The following DCC variants were observed in gnomAD, a reference collection of about 807,000 sequenced individuals.
DCC encodes the protein netrin receptor DCC.
In DCC, 58 loss-of-function variants were observed where a neutral mutation model predicts 172.5. The ratio of observed to expected loss-of-function variants is 0.34; its 90% confidence interval spans 0.27 to 0.42. The LOEUF (loss-of-function observed/expected upper bound fraction) is 0.42. Among genes scored for constraint, DCC ranks in the 10% least tolerant of loss-of-function variants. DCC has a pLI of 1.00. For missense variants in DCC, 1,740 were observed against 1,791.0 expected, an observed-to-expected ratio of 0.97 and a Z score of 0.51; for synonymous variants, 709 against 644.5, an observed-to-expected ratio of 1.10 and a Z score of -1.52.
chr18:53,526,825 C>G, intron 28 of DCC, 66 bp downstream of exon 28: 1 of 1,568,346 alleles, frequency 6.4e-7, no homozygotes, highest in Non-Finnish European at 8.8e-7. Flanking sequence ...GTAATAGCAT[C>G]TAAACCAATG....
At chr18:52,814,502 A>G (rs1240736518) in intron 2 of DCC, among the ~76,000 whole-genome samples, 1 of 152,218 alleles carries the variant, frequency 6.6e-6, no homozygotes, top group Non-Finnish European at 1.5e-5. Flanking sequence ...TGATCCTTGT[A>G]TCACAAACTG....
chr18:53,266,960 A>G (rs528253754), intron 12 of DCC, among the ~76,000 whole-genome samples: 9 of 152,054 alleles, frequency 5.9e-5, no homozygotes, highest in South Asian at 2.1e-4. Flanking sequence ...CATTTTTACT[A>G]TTATGAAGAA....
At chr18:53,271,950 G>A (rs956415572) in intron 12 of DCC, among the ~76,000 whole-genome samples, 1 of 152,114 alleles carries the variant, frequency 6.6e-6, no homozygotes, top group Non-Finnish European at 1.5e-5. Flanking sequence ...TGTATTTAAA[G>A]CTTCTTTTTA....
chr18:53,258,020 T>C (rs1295280700), intron 12 of DCC, among the ~76,000 whole-genome samples: 2 of 152,218 alleles, frequency 1.3e-5, no homozygotes, highest in Non-Finnish European at 2.9e-5. Flanking sequence ...TAGTATTCTC[T>C]GATGGTAGCT....
At chr18:52,654,940 T>C (rs1352249704) in intron 1 of DCC, among the ~76,000 whole-genome samples, 1 of 152,190 alleles carries the variant, frequency 6.6e-6, no homozygotes, top group African/African-American at 2.4e-5. Flanking sequence ...ACTGTTGCTA[T>C]AAGCATAAAC....
intron 9 of DCC, among the ~76,000 whole-genome samples, chr18:53,198,139 A>T (rs2055476842): frequency 6.6e-6 from 1 of 152,174 alleles, no homozygotes; most frequent in Admixed American, 6.5e-5. Flanking sequence ...GAATGATTTG[A>T]TGATAAAGAA....
intron 2 of DCC, among the ~76,000 whole-genome samples, chr18:52,882,417 C>CT (rs1022500869): frequency 8.6e-5 from 13 of 151,532 alleles, no homozygotes; most frequent in African/African-American, 2.9e-4. Flanking sequence ...GATGTAGACA[C>CT]TTATAACTAT....
At chr18:53,004,467 C>T (rs2041614479) in intron 5 of DCC, among the ~76,000 whole-genome samples, 1 of 152,074 alleles carries the variant, frequency 6.6e-6, no homozygotes, top group Non-Finnish European at 1.5e-5. Flanking sequence ...CTGTGAAAAC[C>T]ACTTCTTTGG....
intron 15 of DCC, among the ~76,000 whole-genome samples, chr18:53,348,106 C>T (rs2057745805): frequency 6.6e-6 from 1 of 152,158 alleles, no homozygotes. Context: ...CAAAAGTCCA[C>T]AGTCCAATGT....
At chr18:52,680,103 A>G (rs2035719327) in intron 1 of DCC, among the ~76,000 whole-genome samples, 1 of 152,154 alleles carries the variant, frequency 6.6e-6, no homozygotes, top group Non-Finnish European at 1.5e-5. Context: ...CATTCATAAA[A>G]CATTTTCTGG....
intron 1 of DCC, among the ~76,000 whole-genome samples, chr18:52,613,314 G>A (rs887217684): frequency 3.3e-5 from 5 of 151,980 alleles, no homozygotes; most frequent in Admixed American, 3.3e-4. Context: ...GGAGTGCATT[G>A]GTGCTAGCTC....
At chr18:52,348,140 A>G (rs1469666321) in intron 1 of DCC, among the ~76,000 whole-genome samples, 1 of 152,170 alleles carries the variant, frequency 6.6e-6, no homozygotes, top group African/African-American at 2.4e-5. Flanking sequence ...AGTTTCATCT[A>G]TGTGGATTCA....
At chr18:52,427,931 G>A (rs930337667) in intron 1 of DCC, among the ~76,000 whole-genome samples, 4 of 136,872 alleles carry the variant, frequency 2.9e-5, no homozygotes, top group Non-Finnish European at 4.5e-5. Flanking sequence ...ATTATCTCAC[G>A]CAGCTGATCT....
At chr18:53,194,824 G>A (rs1373502912) in intron 9 of DCC, among the ~76,000 whole-genome samples, 1 of 152,028 alleles carries the variant, frequency 6.6e-6, no homozygotes, top group Non-Finnish European at 1.5e-5. Flanking sequence ...ATCCTTTTAG[G>A]CATCTATGGA....
chr18:52,690,081 C>T (rs2035907736), intron 1 of DCC, among the ~76,000 whole-genome samples: 1 of 152,102 alleles, frequency 6.6e-6, no homozygotes, highest in Non-Finnish European at 1.5e-5. Context: ...GACTGTAGCC[C>T]AGACTGACAG....
intron 5 of DCC, among the ~76,000 whole-genome samples, chr18:52,962,027 C>G (rs1347501579): frequency 1.3e-5 from 2 of 152,134 alleles, no homozygotes; most frequent in Non-Finnish European, 2.9e-5. Context: ...CTAGGCAATA[C>G]CATTCAGGAC....
At chr18:52,903,121 A>G (rs970936848) in intron 2 of DCC, among the ~76,000 whole-genome samples, 9 of 152,256 alleles carry the variant, frequency 5.9e-5, no homozygotes, top group Non-Finnish European at 1.0e-4. Flanking sequence ...TTCATTTTAC[A>G]TATTCCAGGC....
chr18:53,405,401 G>A (rs753155938), intron 19 of DCC, among the ~76,000 whole-genome samples: 2 of 151,936 alleles, frequency 1.3e-5, no homozygotes, highest in Non-Finnish European at 2.9e-5. Flanking sequence ...CCACTTTCTC[G>A]GTTTCTCACC....
At chr18:52,741,838 C>T (rs988827686) in intron 1 of DCC, among the ~76,000 whole-genome samples, 1 of 152,100 alleles carries the variant, frequency 6.6e-6, no homozygotes, top group Admixed American at 6.5e-5. Context: ...TATATATCTG[C>T]TCCACGTCTG....
Sources: gnomAD v4.1 joint callset for allele counts (sites outside exome capture counted in the v4.1 genomes callset) on GRCh38, gnomAD v4.1.1 for gene constraint, MANE v1.5 for transcripts, NCBI Gene and HGNC (gene_info 2026-07-23, HGNC 2026-07-21) for gene names.